Variants in RBFOX1 observed in about 807,000 individuals in gnomAD.
RBFOX1 encodes the protein RNA binding protein fox-1 homolog 1.
Under a neutral mutation model 57.7 loss-of-function variants are expected in RBFOX1, and 8 were observed. The ratio of observed to expected loss-of-function variants is 0.14; its 90% CI spans 0.08 to 0.25. The LOEUF (loss-of-function observed/expected upper bound fraction) is 0.25. RBFOX1 is among the 10% of genes least tolerant of loss of function. The pLI, the probability that RBFOX1 is intolerant of heterozygous loss-of-function variation, is 1.00. For synonymous variants in RBFOX1, 326 were observed against 222.4 expected (o/e 1.47, Z -4.15); for missense variants, 611 against 548.5 (o/e 1.11, Z -1.14).
At chr16:7,176,192 G>C (rs1357700013) in intron 4 of RBFOX1, among the ~76,000 whole-genome samples, 1 of 150,992 alleles carries the variant, frequency 6.6e-6, no homozygotes, top group African/African-American at 2.5e-5. Context: ...GTTAGCTTTG[G>C]TTAATGAAAC....
intron 3 of RBFOX1, among the ~76,000 whole-genome samples, chr16:5,683,147 G>A (rs530581698): frequency 6.6e-6 from 1 of 151,626 alleles, no homozygotes; most frequent in African/African-American, 2.4e-5. Flanking sequence ...TGTTGGGGGT[G>A]GAGGTGGAGG....
At chr16:6,748,848 T>G (rs1226423844) in intron 3 of RBFOX1, 1 of 152,216 alleles carries the variant, frequency 6.6e-6, no homozygotes, top group Non-Finnish European at 1.5e-5. Flanking sequence ...TGCTAGAATT[T>G]CAGCAATGAG....
chr16:5,825,150 C>T (rs540266985), intron 3 of RBFOX1, among the ~76,000 whole-genome samples: 3 of 152,326 alleles, frequency 2.0e-5, no homozygotes, highest in South Asian at 2.1e-4. Context: ...ACCCTCGTTG[C>T]CCAGGTTTAA....
chr16:5,977,583 C>G (rs893538814), intron 4 of RBFOX1, among the ~76,000 whole-genome samples: 1 of 152,150 alleles, frequency 6.6e-6, no homozygotes, highest in Admixed American at 6.5e-5. Flanking sequence ...TTGAAACAGC[C>G]TCCAGCTTCT....
intron 2 of RBFOX1, among the ~76,000 whole-genome samples, chr16:5,521,886 G>A (rs914201432): frequency 6.6e-6 from 1 of 152,194 alleles, no homozygotes; most frequent in African/African-American, 2.4e-5. Flanking sequence ...AGTCATGAGT[G>A]CCCAGGACAT....
chr16:7,477,617 C>G (rs1372701645), intron 4 of RBFOX1, among the ~76,000 whole-genome samples: 1 of 152,154 alleles, frequency 6.6e-6, no homozygotes, highest in Non-Finnish European at 1.5e-5. Context: ...CCTGGGACCC[C>G]CAAGCTGCTC....
chr16:6,633,428 C>G (rs1161534173), intron 2 of RBFOX1, among the ~76,000 whole-genome samples: 2 of 152,130 alleles, frequency 1.3e-5, no homozygotes, highest in Non-Finnish European at 2.9e-5. Flanking sequence ...CAGGCATGCA[C>G]TACCACACCT....
At chr16:6,175,932 G>C (rs1340231383) in intron 1 of RBFOX1, among the ~76,000 whole-genome samples, 1 of 152,150 alleles carries the variant, frequency 6.6e-6, no homozygotes, top group African/African-American at 2.4e-5. Context: ...AATTCAGAAA[G>C]CTGCTGTTTG....
At chr16:7,686,098 C>T (rs960124818) in intron 14 of RBFOX1, among the ~76,000 whole-genome samples, 1 of 151,780 alleles carries the variant, frequency 6.6e-6, no homozygotes, top group African/African-American at 2.4e-5. Context: ...AACAGAAAGC[C>T]CCTCTAAGAG....
At chr16:7,662,899 G>T (rs1330445876) in intron 12 of RBFOX1, among the ~76,000 whole-genome samples, 1 of 152,256 alleles carries the variant, frequency 6.6e-6, no homozygotes, top group Non-Finnish European at 1.5e-5. Flanking sequence ...CAAAGGCACT[G>T]CACTGTTGAT....
chr16:6,130,942 C>T (rs960383008), intron 1 of RBFOX1, among the ~76,000 whole-genome samples: 3 of 152,128 alleles, frequency 2.0e-5, no homozygotes, highest in Non-Finnish European at 4.4e-5. Flanking sequence ...AATTTGCAAT[C>T]AACAACTCTC....
chr16:7,366,060 C>G (rs1422774916), intron 4 of RBFOX1, among the ~76,000 whole-genome samples: 1 of 152,136 alleles, frequency 6.6e-6, no homozygotes, highest in Non-Finnish European at 1.5e-5. Flanking sequence ...TGGCGGAGGT[C>G]CAGGGCTCAT....
intron 1 of RBFOX1, among the ~76,000 whole-genome samples, chr16:6,280,062 C>G (rs72776482): frequency 1.6e-4 from 25 of 151,942 alleles, no homozygotes; most frequent in African/African-American, 5.3e-4. Flanking sequence ...ACGATTCATC[C>G]TAGAAAAGAC....
chr16:5,516,084 G>A (rs1312827880), intron 2 of RBFOX1, among the ~76,000 whole-genome samples: 1 of 152,174 alleles, frequency 6.6e-6, no homozygotes, highest in East Asian at 1.9e-4. Context: ...GCTTCTGGCT[G>A]GGAATGGTCA....
Position 7,265,571 on chromosome 16 carries a change from C to G in RBFOX1, c.27+213473C>G, listed in dbSNP as rs368330831. On this transcript the variant is annotated intron_variant, in intron 4 of 15. Transcript: ENST00000550418. Reference sequence around the variant, plus strand: ...TGAAGCGATTCTCCTGCCTCAGCCTCCCGAGTAGCTAGGATTACAGGCACC... The same window carrying G: ...TGAAGCGATTCTCCTGCCTCAGCCTGCCGAGTAGCTAGGATTACAGGCACC... 2.0e-5 allele frequency among the ~76,000 whole-genome samples: 3 copies of G among 152,148 alleles called. No individual in the cohort carries two copies. In the East Asian group the frequency reaches 5.8e-4, roughly 30 times the overall value.
chr16:7,442,665 G>T (rs2098777912), intron 4 of RBFOX1, among the ~76,000 whole-genome samples: 1 of 152,140 alleles, frequency 6.6e-6, no homozygotes, highest in South Asian at 2.1e-4. Context: ...GAGAAAGCAA[G>T]CAGTAGAGAG....
At chr16:6,227,577 C>A (rs944879239) in intron 1 of RBFOX1, among the ~76,000 whole-genome samples, 3 of 151,610 alleles carry the variant, frequency 2.0e-5, no homozygotes, top group African/African-American at 7.3e-5. Flanking sequence ...CAGCCACACG[C>A]CCTTCTCCTT....
At chr16:5,868,732 C>A (rs541930865) in intron 4 of RBFOX1, among the ~76,000 whole-genome samples, 15 of 152,264 alleles carry the variant, frequency 9.9e-5, no homozygotes, top group Non-Finnish European at 1.6e-4. Context: ...TCACCTATGT[C>A]CCCATGATCT....
chr16:6,849,199 C>G lies in RBFOX1; in HGVS notation c.-16+194549C>G, dbSNP rs377295641. Among the ~76,000 whole-genome samples the G allele has an allele frequency of 9.8e-5, 15 of 152,292 alleles. No homozygotes were observed. In the East Asian group the frequency reaches 2.7e-3, roughly 27 times the overall value. On this transcript the variant is annotated intron_variant, in intron 3 of 15. Transcript: ENST00000550418. Reference sequence around the variant, plus strand: ...CTCTTGAATGTAGAGGAAAAATTATCCACCTATCAGAGAGTGTGTTGACAG... The same window carrying G: ...CTCTTGAATGTAGAGGAAAAATTATGCACCTATCAGAGAGTGTGTTGACAG...
Sources: gnomAD v4.1 joint callset for allele counts (sites outside exome capture counted in the v4.1 genomes callset) on GRCh38, gnomAD v4.1.1 for gene constraint, MANE v1.5 for transcripts, NCBI Gene and HGNC (gene_info 2026-07-23, HGNC 2026-07-21) for gene names.